Variants in NFYB observed in about 807,000 individuals in gnomAD.
NFYB encodes the protein CAAT box DNA-binding protein subunit B.
Under a neutral mutation model 28.0 loss-of-function variants are expected in NFYB, and 13 were observed. That is an observed-to-expected ratio of 0.46 (90% confidence interval 0.30 to 0.74). The LOEUF (loss-of-function observed/expected upper bound fraction) is 0.74, where lower values mean the gene tolerates loss of function less well. Among genes scored for constraint, NFYB ranks in the 30% least tolerant of loss-of-function variants. The probability of loss-of-function intolerance (pLI) is 0.07; values close to 1 mark genes in which losing one functional copy is unlikely to be tolerated. For missense variants in NFYB, 142 were observed against 247.6 expected, an observed-to-expected ratio of 0.57 and a Z score of 2.86; for synonymous variants, 74 against 75.0, an observed-to-expected ratio of 0.99 and a Z score of 0.07.
intron 3 of NFYB, 76 bp from the exon 4 acceptor site, chr12:104,126,320 T>A: frequency 3.6e-6 from 4 of 1,111,412 alleles, no homozygotes; most frequent in Non-Finnish European, 4.8e-6. Flanking sequence ...ACCAAAGTGA[T>A]CCAGAATAAA....
chr12:104,132,947 A>G (rs950613252), intron 2 of NFYB, among the ~76,000 whole-genome samples: 6 of 152,254 alleles, frequency 3.9e-5, no homozygotes, highest in African/African-American at 1.4e-4. Context: ...ATGGACAAAG[A>G]GTGGTTAAAT....
At chr12:104,127,971 A>G (rs1048387693) in intron 3 of NFYB, among the ~76,000 whole-genome samples, 1 of 152,082 alleles carries the variant, frequency 6.6e-6, no homozygotes, top group African/African-American at 2.4e-5. Flanking sequence ...AGGTGTGAGC[A>G]CCACACTGAG....
chr12:104,131,568 TA>T, intron 2 of NFYB: 1 of 353,802 alleles, frequency 2.8e-6, no homozygotes, highest in Non-Finnish European at 5.6e-6. Flanking sequence ...TAAGTCAACC[TA>T]ATCTTTGATG....
Position 104,118,143 on chromosome 12 carries a change from A to G in NFYB, c.*1594T>C, listed in dbSNP as rs1400278071. On this transcript the variant is annotated 3_prime_UTR_variant, in exon 8 of 8. Coordinates refer to ENST00000240055, the MANE Select transcript of NFYB (RefSeq NM_006166.4). ...GTTAAGTGAAAAAAGCAGGTTACAA[A>G]ATGGTATGCACAATATGAGCCCATT... 1.3e-5 allele frequency: 2 copies of G among 152,234 alleles called. No homozygotes were observed. The highest frequency in any genetic ancestry group is 2.9e-5 in the Non-Finnish European group (2 of 68,036). The allele number at this position is 152,234 out of a possible 1,614,324, so 9.4% of individuals were successfully genotyped here.
At chr12:104,123,203 A>C (rs752292746) in intron 5 of NFYB, 23 bp downstream of exon 5, 3 of 1,552,540 alleles carry the variant, frequency 1.9e-6, no homozygotes, top group South Asian at 2.4e-5. Flanking sequence ...AAAAAAAAGC[A>C]CAATGGGAGA....
chr12:104,119,700 C>G lies in NFYB; in HGVS notation c.*37G>C. The G allele has an allele frequency of 6.6e-7, 1 of 1,519,372 alleles. No homozygotes were observed. Among genetic ancestry groups the G allele is most frequent in the South Asian group, 1.1e-5 (1 of 87,222 alleles). The allele number at this position is 1,519,372 out of a possible 1,614,324, so 94.1% of individuals were successfully genotyped here. On this transcript the variant is annotated 3_prime_UTR_variant, in exon 8 of 8. Transcript: ENST00000240055. ...TCTGTTCCAGAATCATACAGACTCT[C>G]ATTTCTCTACACTCCCCATTCCATC... is the stretch of plus-strand genomic sequence containing the variant.
intron 2 of NFYB, among the ~76,000 whole-genome samples, chr12:104,129,998 A>G (rs896880030): frequency 1.3e-5 from 2 of 152,238 alleles, no homozygotes; most frequent in Admixed American, 6.5e-5. Flanking sequence ...CTGAGAGCTA[A>G]AAGAATTCCA....
intron 2 of NFYB, among the ~76,000 whole-genome samples, chr12:104,129,777 T>C (rs534763258): frequency 1.6e-3 from 236 of 152,206 alleles, no homozygotes; most frequent in African/African-American, 5.4e-3. Context: ...TCCTAACTAC[T>C]TGAGAGGCTG....
chr12:104,120,129 C>A (rs1361565266), intron 7 of NFYB, among the ~76,000 whole-genome samples: 2 of 151,820 alleles, frequency 1.3e-5, no homozygotes, highest in Non-Finnish European at 2.9e-5. Flanking sequence ...GATCTCAGCT[C>A]ACTGCAACCT....
chr12:104,120,582 G>T lies in NFYB; in HGVS notation c.512-103C>A, dbSNP rs975701278. On this transcript the variant is annotated intron_variant, in intron 6 of 7. Transcript: ENST00000240055. ...TAATGTCTCATTACAATTCTGCCCG[G>T]TATCAATGATGTAGTCTTGGACAAA... The T allele has an allele frequency of 7.7e-6, 6 of 775,594 alleles. No individual in the cohort carries two copies. The East Asian group carries it at 1.0e-4, about 13-fold the overall frequency. 48.0% of individuals were successfully genotyped at this position (775,594 alleles called of 1,614,324 possible).
At chr12:104,136,501 T>C (rs1369830694) in intron 1 of NFYB, among the ~76,000 whole-genome samples, 1 of 152,226 alleles carries the variant, frequency 6.6e-6, no homozygotes, top group African/African-American at 2.4e-5. Flanking sequence ...TAATTTCTTT[T>C]CAAATATTAA....
At chr12:104,127,962 G>A (rs2030783756) in intron 3 of NFYB, among the ~76,000 whole-genome samples, 1 of 151,976 alleles carries the variant, frequency 6.6e-6, no homozygotes, top group Non-Finnish European at 1.5e-5. Flanking sequence ...TGGGATTATA[G>A]GTGTGAGCAC....
Position 104,119,627 on chromosome 12 carries a change from A to G in NFYB, c.*110T>C, listed in dbSNP as rs2030389796. 1.5e-6 allele frequency: 1 copy of G among 687,234 alleles called. No homozygotes were observed. Among genetic ancestry groups the G allele is most frequent in the Non-Finnish European group, 2.5e-6 (1 of 403,340 alleles). The allele number at this position is 687,234 out of a possible 1,614,324, so 42.6% of individuals were successfully genotyped here. ...AGCATCAGGAAGCTACATTACAGCT[A>G]TTAATATACAAAGATACATCTTTTC... On this transcript the variant is annotated 3_prime_UTR_variant, in exon 8 of 8. Coordinates refer to ENST00000240055, the MANE Select transcript of NFYB (RefSeq NM_006166.4).
chr12:104,122,673 A>G (rs1593626353), intron 5 of NFYB, among the ~76,000 whole-genome samples: 1 of 152,210 alleles, frequency 6.6e-6, no homozygotes, highest in Non-Finnish European at 1.5e-5. Flanking sequence ...TCCTGAAGCC[A>G]TCTACCCCTC....
At chr12:104,120,532 G>T in intron 6 of NFYB, 53 bp from the exon 7 acceptor site, 1 of 1,269,406 alleles carries the variant, frequency 7.9e-7, no homozygotes, top group Non-Finnish European at 1.2e-6. Context: ...CTACTTTCTT[G>T]GGTTGTATCT....
chr12:104,123,962 C>CAA (rs896602263), intron 4 of NFYB, among the ~76,000 whole-genome samples: 1 of 148,434 alleles, frequency 6.7e-6, no homozygotes, highest in Non-Finnish European at 1.5e-5. Context: ...GACTCCGTCT[C>CAA]AAAAAAAAAA....
rs766773289 is a variant in NFYB, at chr12:104,120,445, G to A, written c.546C>T (p.Asp182=). ...AAACCATAACATTTTGTTGTTGACC[G>A]TCTGTGGTTATTAAGCCAGCTGGTA... is the stretch of plus-strand genomic sequence containing the variant. The part of the protein sequence containing the change: ...NQLPAGLITT[D]GQQQNVMVYT... The change falls in exon 7 of 8, where the codon GAC becomes GAT. Residue 182 remains aspartate (D), a synonymous_variant. Coordinates refer to ENST00000240055, the MANE Select transcript of NFYB (RefSeq NM_006166.4). 36 of 1,613,694 alleles carry A rather than the reference G, an allele frequency of 2.2e-5. No individual in the cohort carries two copies. The highest frequency in any genetic ancestry group is 5.3e-5 in the African/African-American group (4 of 74,886).
chr12:104,134,801 A>G (rs2031045580), intron 2 of NFYB, among the ~76,000 whole-genome samples: 1 of 152,156 alleles, frequency 6.6e-6, no homozygotes, highest in Admixed American at 6.5e-5. Flanking sequence ...CACTTCTTTC[A>G]TTTTAGGAGT....
intron 4 of NFYB, among the ~76,000 whole-genome samples, chr12:104,125,803 G>C (rs574361801): frequency 7.9e-6 from 1 of 126,036 alleles, no homozygotes; most frequent in African/African-American, 3.0e-5. Flanking sequence ...AGCGGAGATT[G>C]TACCATTGCA....
Sources: gnomAD v4.1 joint callset for allele counts (sites outside exome capture counted in the v4.1 genomes callset) on GRCh38, gnomAD v4.1.1 for gene constraint, MANE v1.5 for transcripts, NCBI Gene and HGNC (gene_info 2026-07-23, HGNC 2026-07-21) for gene names.